CELF5: variants seen among roughly 807,000 people sequenced by gnomAD.
The protein encoded by CELF5 is CUG-BP and ETR-3 like factor 5.
CELF5 carries 6 observed loss-of-function variants against 54.9 expected under a neutral mutation model. The ratio of observed to expected loss-of-function variants is 0.11; its 90% CI spans 0.06 to 0.22. The LOEUF (loss-of-function observed/expected upper bound fraction) is 0.22. Among genes scored for constraint, CELF5 ranks in the 10% least tolerant of loss-of-function variants. The pLI is 1.00. For missense variants in CELF5, 401 were observed against 678.6 expected (o/e 0.59, Z 4.54); for synonymous variants, 271 against 290.9 (o/e 0.93, Z 0.70).
rs1346167407 is a variant in CELF5 at position 3,278,251 on chromosome 19, G to A, written c.603+141G>A. 4.6e-6 allele frequency: 3 copies of A among 656,964 alleles called. No individual in the cohort carries two copies. Among genetic ancestry groups the A allele is most frequent in the Admixed American group, 2.4e-5 (1 of 40,948 alleles). 40.7% of individuals were successfully genotyped at this position (656,964 alleles called of 1,614,324 possible). A position where few individuals can be genotyped will look rare whatever the true frequency, so the allele number is the denominator to read the frequency against. On this transcript the variant is annotated intron_variant, in intron 5 of 12. Transcript: ENST00000292672. This position sits in a 1 kb window ranked among gnomAD's most constrained non-coding sequence, Gnocchi z 4.5. ...TTCAGAGGGGGCACAGGTGGAGAAA[G>A]AGGCGCAGTCCCTGGCTGTGGTCCC...
chr19:3,262,467 C>T (rs2079818662), intron 2 of CELF5, among the ~76,000 whole-genome samples: 1 of 152,156 alleles, frequency 6.6e-6, no homozygotes. Flanking sequence ...GGTTACAGAG[C>T]ACAGATCCAG....
At position 3,275,768 on chromosome 19, in the gene CELF5, C is replaced by CGCCTCCACTCTGCTGGAGGGA; in HGVS notation, c.395-86_395-66dup. The CGCCTCCACTCTGCTGGAGGGA allele has an allele frequency of 7.1e-7, 1 of 1,409,540 alleles. No homozygotes were observed. Among genetic ancestry groups the CGCCTCCACTCTGCTGGAGGGA allele is most frequent in the Non-Finnish European group, 9.5e-7 (1 of 1,050,902 alleles). The allele number at this position is 1,409,540 out of a possible 1,614,324, so 87.3% of individuals were successfully genotyped here. A position where few individuals can be genotyped will look rare whatever the true frequency, so the allele number is the denominator to read the frequency against. ...CGGGCGCCGCGTCTTCCTGCCCTGC[C>CGCCTCCACTCTGCTGGAGGGA]GCCTCCACTCTGCTGGAGGGAGGGA... On this transcript the variant is annotated intron_variant, in intron 3 of 12. Transcript: ENST00000292672. This position sits in a 1 kb window ranked among gnomAD's most constrained non-coding sequence, Gnocchi z 6.7.
Position 3,224,835 on chromosome 19 carries a change from CG to C in CELF5, c.102del (p.Gln35SerfsTer5). On this transcript the variant is annotated frameshift_variant, in exon 1 of 13. Transcript: ENST00000292672. LOFTEE classifies it high-confidence loss of function. ...PVGSSGPEPP[G>X]GQPDGMKDLD... ...TGGGCAGCAGCGGGCCCGAGCCCCC[CG>C]GGGGGCAGCCCGACGGCATGAAGGA... 2 of 1,589,336 alleles carry C rather than the reference CG, an allele frequency of 1.3e-6. No individual in the cohort carries two copies. Among genetic ancestry groups the C allele is most frequent in the East Asian group, 2.3e-5 (1 of 43,302 alleles).
chr19:3,248,891 TTCCTTCCTTCCTTC>T (rs1568337790), intron 1 of CELF5, among the ~76,000 whole-genome samples: 79 of 133,102 alleles, frequency 5.9e-4, no homozygotes, highest in Middle Eastern at 7.5e-3. Flanking sequence ...CCTTCCTTCC[TTCCTTCCTTCCTTC>T]CTTTCTTTCT....
intron 1 of CELF5, among the ~76,000 whole-genome samples, chr19:3,248,962 C>T (rs541030872): frequency 3.8e-4 from 54 of 142,846 alleles, no homozygotes; most frequent in African/African-American, 1.4e-3. Context: ...TTTCTTAATG[C>T]TGGAAACTGT....
At chr19:3,251,120 TGGGG>T in intron 2 of CELF5, 53 bp downstream of exon 2, 1 of 1,336,302 alleles carries the variant, frequency 7.5e-7, no homozygotes, top group Middle Eastern at 1.8e-4. Flanking sequence ...GCTCTCAGCC[TGGGG>T]TGGGAGCCAA....
intron 1 of CELF5, among the ~76,000 whole-genome samples, chr19:3,231,667 AATGGATGAGCAGGTGGGTGGATGG>A (rs980152315): frequency 1.5e-5 from 2 of 132,692 alleles, no homozygotes; most frequent in African/African-American, 5.8e-5. Context: ...TTGGTGGGTG[AATGGATGAGCAGGTGGGTGGATGG>A]ATGGATGGAT....
chr19:3,236,545 G>A (rs1329527117), intron 1 of CELF5, among the ~76,000 whole-genome samples: 1 of 152,158 alleles, frequency 6.6e-6, no homozygotes, highest in East Asian at 1.9e-4. Context: ...GGTTGAGATG[G>A]GAGGGGGGTT....
chr19:3,233,944 C>T (rs73517129), intron 1 of CELF5, among the ~76,000 whole-genome samples: 307 of 152,302 alleles, frequency 2.0e-3, no homozygotes, highest in African/African-American at 7.2e-3. Context: ...TTCTGAGGAG[C>T]TCCTGAAGAC....
intron 1 of CELF5, among the ~76,000 whole-genome samples, chr19:3,249,158 G>A (rs1291842835): frequency 6.6e-6 from 1 of 151,760 alleles, no homozygotes; most frequent in Admixed American, 6.6e-5. Flanking sequence ...CGTGTCCCTG[G>A]GAGACCAGGG....
At position 3,233,098 on chromosome 19, in the gene CELF5, A is replaced by AAAATAAATAAATAAAT. The variant is rs149983440; in HGVS notation, c.259+8115_259+8130dup. Among the ~76,000 whole-genome samples the AAAATAAATAAATAAAT allele has an allele frequency of 3.3e-3, 500 of 149,784 alleles. 4 individuals are homozygous for AAAATAAATAAATAAAT. The highest frequency in any genetic ancestry group is 9.9e-3 in the African/African-American group (404 of 40,910). ...TCAAAAAAAATAAAAATTAAAATTA[A>AAAATAAATAAATAAAT]AAATAAATAAATAAATAAATAAATA... On this transcript the variant is annotated intron_variant, in intron 1 of 12. Coordinates refer to ENST00000292672, the MANE Select transcript of CELF5 (RefSeq NM_021938.4).
rs371720516 is a variant in CELF5 at position 3,281,232 on chromosome 19, G to A, written c.637G>A (p.Asp213Asn). The A allele has an allele frequency of 5.6e-6, 9 of 1,609,684 alleles. No individual in the cohort carries two copies. Among genetic ancestry groups the A allele is most frequent in the Admixed American group, 1.7e-5 (1 of 60,010 alleles). Residue 213 changes from aspartate (D) to asparagine (N), a missense_variant, in exon 6 of 13, where the codon GAC becomes AAC. Asp to Asn is a conservative substitution (Grantham distance 23, BLOSUM62 1). This residue lies in a region of CELF5 where 87 missense variants were observed against 190.2 expected (regional missense o/e 0.46). Coordinates refer to ENST00000292672, the MANE Select transcript of CELF5 (RefSeq NM_021938.4). The surrounding 1 kb of genome is among the most constrained non-coding windows in gnomAD (Gnocchi z 6.5). ...CTCCAGCCTGGTGGTCAAGTTCGCC[G>A]ACACGGACAAGGAGCGGACGCTCCG... ...ASSSLVVKFADTDKERTLRRM... is the reference protein window; with the variant it reads ...ASSSLVVKFANTDKERTLRRM...
intron 11 of CELF5, among the ~76,000 whole-genome samples, chr19:3,291,258 C>T (rs1391758813): frequency 6.6e-6 from 1 of 151,482 alleles, no homozygotes; most frequent in Non-Finnish European, 1.5e-5. Flanking sequence ...ACAGCAAGAC[C>T]CTGTCTCATA....
At chr19:3,258,077 C>T (rs576026448) in intron 2 of CELF5, among the ~76,000 whole-genome samples, 3 of 151,890 alleles carry the variant, frequency 2.0e-5, no homozygotes, top group East Asian at 1.9e-4. Context: ...TCTCCTGACT[C>T]GGCCTCCCAA....
At chr19:3,226,595 G>A (rs1001266321) in intron 1 of CELF5, among the ~76,000 whole-genome samples, 6 of 152,038 alleles carry the variant, frequency 3.9e-5, no homozygotes, top group South Asian at 4.2e-4. Flanking sequence ...TTTCCCACAC[G>A]CCCCCACCCC....
intron 2 of CELF5, among the ~76,000 whole-genome samples, chr19:3,258,869 C>G (rs1454294395): frequency 6.6e-6 from 1 of 152,124 alleles, no homozygotes; most frequent in Non-Finnish European, 1.5e-5. Flanking sequence ...CCTCGGCCTC[C>G]CAAAGCGCTG....
intron 1 of CELF5, among the ~76,000 whole-genome samples, chr19:3,250,398 A>G (rs1028919980): frequency 1.3e-5 from 2 of 152,190 alleles, no homozygotes; most frequent in Non-Finnish European, 2.9e-5. Context: ...CTGAGGCAGG[A>G]GAATGACGTG....
chr19:3,253,832 T>C (rs8101372), intron 2 of CELF5, among the ~76,000 whole-genome samples: 30,381 of 152,066 alleles, frequency 0.2, 3,492 homozygotes, highest in East Asian at 0.54. Flanking sequence ...GCTCTGGTCC[T>C]TCTGTCCAGA....
rs935127794 is a variant in CELF5, at chr19:3,228,800, G to A, written c.259+3802G>A. ...GGCTGGGCGGCCTGGCGGGGGGACC[G>A]CGGGAGCAGTTGGCACCCCTGGTGG... On this transcript the variant is annotated intron_variant, in intron 1 of 12. Coordinates refer to ENST00000292672, the MANE Select transcript of CELF5 (RefSeq NM_021938.4). The surrounding 1 kb of genome is among the most constrained non-coding windows in gnomAD (Gnocchi z 6.0). Among the ~76,000 whole-genome samples, 2 of 151,926 alleles carry A rather than the reference G, an allele frequency of 1.3e-5. No individual in the cohort carries two copies. Among genetic ancestry groups the A allele is most frequent in the African/African-American group, 2.4e-5 (1 of 41,332 alleles).
Sources: allele counts gnomAD v4.1 joint callset (sites outside exome capture counted in the v4.1 genomes callset), GRCh38; gene constraint gnomAD v4.1.1; regional missense constraint gnomAD v4.1.1; non-coding constraint Gnocchi (gnomAD v3.1); transcripts MANE v1.5; gene names NCBI Gene and HGNC (gene_info 2026-07-23, HGNC 2026-07-21).